The following IFT88 variants were observed in gnomAD, a reference collection of about 807,000 sequenced individuals.
IFT88 encodes the protein intraflagellar transport 88, also known as intraflagellar transport protein 88 homolog.
IFT88 carries 74 observed loss-of-function variants against 119.5 expected under a neutral mutation model. The observed-to-expected ratio is 0.62, with a 90% CI of 0.51 to 0.75. The LOEUF (loss-of-function observed/expected upper bound fraction) is 0.75, where lower values mean the gene tolerates loss of function less well. Among genes scored for constraint, IFT88 ranks in the 30% least tolerant of loss-of-function variants. IFT88 has a pLI of 0.00. For synonymous variants in IFT88, 279 were observed against 316.7 expected (o/e 0.88, Z 1.26); for missense variants, 961 against 977.7 (o/e 0.98, Z 0.23).
At chr13:20,685,836 C>T (rs894847425) in intron 24 of IFT88, among the ~76,000 whole-genome samples, 2 of 152,184 alleles carry the variant, frequency 1.3e-5, no homozygotes, top group Non-Finnish European at 2.9e-5. Context: ...GCCGAGATTG[C>T]GCCACTGCGC....
Position 20,691,286 on chromosome 13 carries a change from TTAAG to T in IFT88, c.*117_*120del, listed in dbSNP as rs2058440594. 6.9e-6 allele frequency: 7 copies of T among 1,008,772 alleles called. No individual in the cohort carries two copies. In the Admixed American group the frequency reaches 8.7e-5, roughly 12 times the overall value. The allele number at this position is 1,008,772 out of a possible 1,614,324, so 62.5% of individuals were successfully genotyped here. ...AATTATTTTTTTTCACTGTCAAAAC[TTAAG>T]TAAGTGTATTCTATTCTGTATGTAT... On this transcript the variant is annotated 3_prime_UTR_variant, in exon 26 of 26. Coordinates refer to ENST00000351808, the MANE Select transcript of IFT88 (RefSeq NM_006531.5).
chr13:20,592,648 T>G (rs2040886953), intron 7 of IFT88, among the ~76,000 whole-genome samples: 1 of 152,084 alleles, frequency 6.6e-6, no homozygotes, highest in Admixed American at 6.6e-5. Context: ...TTTTGTATTT[T>G]TGGTAGAGAT....
intron 24 of IFT88, among the ~76,000 whole-genome samples, chr13:20,686,163 G>C (rs1227485755): frequency 6.6e-6 from 1 of 152,172 alleles, no homozygotes; most frequent in African/African-American, 2.4e-5. Context: ...GAGCTCCATA[G>C]ACTTGGATCA....
intron 18 of IFT88, 24 bp downstream of exon 18, chr13:20,641,422 G>A (rs2049945706): frequency 7.1e-7 from 1 of 1,409,914 alleles, no homozygotes; most frequent in African/African-American, 1.4e-5. Context: ...AAACCTTAGG[G>A]ACAGTTATTA....
intron 24 of IFT88, among the ~76,000 whole-genome samples, chr13:20,673,107 A>G (rs113847932): frequency 7.5e-4 from 115 of 152,330 alleles, no homozygotes; most frequent in African/African-American, 2.7e-3. Flanking sequence ...ATTAAGTATT[A>G]AAATTCTAGG....
Position 20,690,685 on chromosome 13 carries a change from T to C in IFT88, c.2243-20T>C. On this transcript the variant is annotated intron_variant, in intron 24 of 25. Coordinates refer to ENST00000351808, the MANE Select transcript of IFT88 (RefSeq NM_006531.5). ...TTCTCAACATATTAAACAAATGCAT[T>C]TTTATTTTCGTGTTTTCAGATAGTG... is the stretch of plus-strand genomic sequence containing the variant. The C allele has an allele frequency of 1.3e-6, 2 of 1,494,208 alleles. No homozygotes were observed. Among genetic ancestry groups the C allele is most frequent in the Non-Finnish European group, 1.9e-6 (2 of 1,070,928 alleles). 92.6% of individuals were successfully genotyped at this position (1,494,208 alleles called of 1,614,324 possible). A position where few individuals can be genotyped will look rare whatever the true frequency, so the allele number is the denominator to read the frequency against.
At chr13:20,618,291 G>A (rs1182003624) in intron 14 of IFT88, among the ~76,000 whole-genome samples, 5 of 152,120 alleles carry the variant, frequency 3.3e-5, no homozygotes, top group Admixed American at 6.5e-5. Context: ...TTAAAAGTGC[G>A]GATAATCTGG....
intron 14 of IFT88, among the ~76,000 whole-genome samples, chr13:20,620,962 C>T (rs536793276): frequency 6.6e-6 from 1 of 152,238 alleles, no homozygotes; most frequent in Non-Finnish European, 1.5e-5. Flanking sequence ...ACTCACCAGA[C>T]AGCCAGCCTG....
At chr13:20,662,313 G>T (rs942892498) in intron 22 of IFT88, among the ~76,000 whole-genome samples, 5 of 151,438 alleles carry the variant, frequency 3.3e-5, no homozygotes, top group Non-Finnish European at 5.9e-5. Context: ...AAAAAAAAAA[G>T]GCCTACCGAC....
At chr13:20,625,000 G>A (rs1296005792) in intron 14 of IFT88, among the ~76,000 whole-genome samples, 6 of 151,804 alleles carry the variant, frequency 4.0e-5, no homozygotes, top group Admixed American at 1.3e-4. Context: ...TTATTCCTTC[G>A]TCTAACTGAA....
intron 13 of IFT88, among the ~76,000 whole-genome samples, chr13:20,612,624 G>A (rs533411288): frequency 6.6e-6 from 1 of 152,190 alleles, no homozygotes; most frequent in South Asian, 2.1e-4. Context: ...TTTACAGAAA[G>A]TGACAAATTG....
At chr13:20,686,693 A>T (rs1352605299) in intron 24 of IFT88, among the ~76,000 whole-genome samples, 1 of 152,244 alleles carries the variant, frequency 6.6e-6, no homozygotes, top group South Asian at 2.1e-4. Flanking sequence ...AATGAAGGAC[A>T]TTGCTTTTCA....
intron 12 of IFT88, among the ~76,000 whole-genome samples, chr13:20,604,251 A>C (rs937646857): frequency 6.6e-6 from 1 of 152,098 alleles, no homozygotes; most frequent in Non-Finnish European, 1.5e-5. Context: ...AAACAAAACT[A>C]ACCAAACAAA....
intron 14 of IFT88, among the ~76,000 whole-genome samples, chr13:20,619,479 C>T (rs1362330989): frequency 1.3e-5 from 2 of 152,020 alleles, no homozygotes; most frequent in Admixed American, 1.3e-4. Context: ...GGAATCATAC[C>T]GTACATATTC....
At chr13:20,591,890 T>C (rs1304215777) in intron 6 of IFT88, among the ~76,000 whole-genome samples, 2 of 152,168 alleles carry the variant, frequency 1.3e-5, no homozygotes, top group African/African-American at 2.4e-5. Context: ...CATGGTGTAA[T>C]TTGTCAAAAT....
At chr13:20,661,617 C>T (rs921388481) in intron 22 of IFT88, among the ~76,000 whole-genome samples, 25 of 152,010 alleles carry the variant, frequency 1.6e-4, no homozygotes, top group African/African-American at 5.8e-4. Flanking sequence ...CACCTGTGAT[C>T]CCAGCTACTC....
chr13:20,580,240 A>G (rs1158782743), intron 2 of IFT88, among the ~76,000 whole-genome samples: 1 of 152,170 alleles, frequency 6.6e-6, no homozygotes, highest in African/African-American at 2.4e-5. Context: ...TTTCTCTGCC[A>G]GACGCGGGGA....
At chr13:20,568,128 A>AGTAGACT (rs1358369609) in intron 1 of IFT88, 1 of 644,430 alleles carries the variant, frequency 1.6e-6, no homozygotes, top group African/African-American at 1.8e-5. Context: ...AAAAGCTTGA[A>AGTAGACT]GTAGACTGTC....
rs181634987 is a variant in IFT88 at position 20,667,694 on chromosome 13, G to A, written c.2176-3279G>A. Among the ~76,000 whole-genome samples, 1,497 of 151,052 alleles carry A rather than the reference G, an allele frequency of 9.9e-3. 26 individuals are homozygous for A. Among genetic ancestry groups the A allele is most frequent in the African/African-American group, 0.034 (1,406 of 41,104 alleles). ...CCTGACCTTGTGATCCGCCCACCTCGGCCTCCCAAAGTGCTGGGATTACAG... is the reference window on the plus strand; with the variant it reads ...CCTGACCTTGTGATCCGCCCACCTCAGCCTCCCAAAGTGCTGGGATTACAG... On this transcript the variant is annotated intron_variant, in intron 23 of 25. Transcript: ENST00000351808.
Sources: allele counts gnomAD v4.1 joint callset (sites outside exome capture counted in the v4.1 genomes callset), GRCh38; gene constraint gnomAD v4.1.1; transcripts MANE v1.5; gene names NCBI Gene and HGNC (gene_info 2026-07-23, HGNC 2026-07-21).